DCLK1: variants seen among roughly 807,000 people sequenced by gnomAD.
The protein encoded by DCLK1 is serine/threonine-protein kinase DCLK1.
A neutral mutation model predicts 86.2 loss-of-function variants in DCLK1; 16 were observed. The observed-to-expected ratio is 0.19, with a 90% CI of 0.13 to 0.28. DCLK1 has a LOEUF of 0.28. Ranked by LOEUF, DCLK1 falls within the 10% of genes least tolerant of loss-of-function variation. The probability of loss-of-function intolerance (pLI) is 1.00; values close to 1 mark genes in which losing one functional copy is unlikely to be tolerated. For missense variants in DCLK1, 590 were observed against 940.2 expected, an observed-to-expected ratio of 0.63 and a Z score of 4.87; for synonymous variants, 369 against 370.5, an observed-to-expected ratio of 1.00 and a Z score of 0.05.
chr13:35,822,896 G>A (rs2087429254), intron 10 of DCLK1, 21 bp from the exon 11 acceptor site: 19 of 1,613,104 alleles, frequency 1.2e-5, no homozygotes, highest in Non-Finnish European at 1.6e-5. Flanking sequence ...AACAGAAGCT[G>A]AAGCAGCACA....
chr13:35,883,458 C>T (rs894468571), intron 4 of DCLK1, among the ~76,000 whole-genome samples: 2 of 152,192 alleles, frequency 1.3e-5, no homozygotes, highest in African/African-American at 4.8e-5. Flanking sequence ...TCCCCTTCCA[C>T]CATGAGTGGA....
chr13:36,091,592 C>G (rs1884830639), intron 3 of DCLK1, among the ~76,000 whole-genome samples: 1 of 152,134 alleles, frequency 6.6e-6, no homozygotes, highest in Non-Finnish European at 1.5e-5. Context: ...GTCTGCTTCT[C>G]TATACATTTA....
At chr13:35,985,085 C>T (rs1019851013) in intron 3 of DCLK1, among the ~76,000 whole-genome samples, 1 of 152,132 alleles carries the variant, frequency 6.6e-6, no homozygotes, top group African/African-American at 2.4e-5. Context: ...TGAGTGTGTG[C>T]GCTTAAAATA....
At chr13:36,014,533 A>G (rs1396952370) in intron 3 of DCLK1, among the ~76,000 whole-genome samples, 1 of 152,240 alleles carries the variant, frequency 6.6e-6, no homozygotes, top group African/African-American at 2.4e-5. Flanking sequence ...AATCTAATAC[A>G]GATGAAAGCC....
At chr13:35,914,124 C>A (rs1033124471) in intron 4 of DCLK1, among the ~76,000 whole-genome samples, 9 of 151,384 alleles carry the variant, frequency 5.9e-5, no homozygotes, top group African/African-American at 2.2e-4. Flanking sequence ...TAGAGACCAC[C>A]CTGGGCAACA....
intron 4 of DCLK1, among the ~76,000 whole-genome samples, chr13:35,905,389 A>G (rs1403575705): frequency 2.0e-5 from 3 of 152,190 alleles, no homozygotes; most frequent in African/African-American, 7.2e-5. Context: ...ATTTTGTTCA[A>G]TGGTTGAGGA....
At chr13:35,953,874 C>T (rs1877835276) in intron 3 of DCLK1, among the ~76,000 whole-genome samples, 1 of 152,176 alleles carries the variant, frequency 6.6e-6, no homozygotes, top group Non-Finnish European at 1.5e-5. Flanking sequence ...GATATCTCTG[C>T]AGCCCTGGAT....
At chr13:35,801,495 C>T (rs2086917852) in intron 15 of DCLK1, among the ~76,000 whole-genome samples, 1 of 122,322 alleles carries the variant, frequency 8.2e-6, no homozygotes, top group African/African-American at 3.9e-5. Context: ...GTTTGAATTA[C>T]AGAAAGGGTA....
At chr13:36,073,416 A>G (rs777831197) in intron 3 of DCLK1, among the ~76,000 whole-genome samples, 1 of 152,198 alleles carries the variant, frequency 6.6e-6, no homozygotes, top group Non-Finnish European at 1.5e-5. Context: ...TATTTGCCCA[A>G]TTCTAGAGAT....
At chr13:35,872,932 G>T (rs1365603216) in intron 4 of DCLK1, among the ~76,000 whole-genome samples, 1 of 151,734 alleles carries the variant, frequency 6.6e-6, no homozygotes, top group Non-Finnish European at 1.5e-5. Flanking sequence ...CATCTTTCTT[G>T]GTCAACCCAT....
intron 3 of DCLK1, among the ~76,000 whole-genome samples, chr13:36,030,328 C>T (rs952525058): frequency 1.3e-4 from 20 of 152,004 alleles, no homozygotes; most frequent in Admixed American, 9.2e-4. Context: ...CGGAGTTTTG[C>T]TCTTGTTGCC....
intron 5 of DCLK1, among the ~76,000 whole-genome samples, chr13:35,856,863 A>G (rs1871091920): frequency 6.6e-6 from 1 of 152,216 alleles, no homozygotes; most frequent in South Asian, 2.1e-4. Flanking sequence ...GATTGGCAGC[A>G]TCATTTCCAC....
intron 14 of DCLK1, among the ~76,000 whole-genome samples, chr13:35,807,973 G>C (rs1651302924): frequency 6.6e-6 from 1 of 152,218 alleles, no homozygotes; most frequent in Admixed American, 6.5e-5. Context: ...AGAGGCTATA[G>C]CAATGTCACT....
intron 16 of DCLK1, among the ~76,000 whole-genome samples, chr13:35,787,663 CAAAA>C (rs1173932654): frequency 1.3e-5 from 2 of 151,934 alleles, no homozygotes; most frequent in Non-Finnish European, 2.9e-5. Flanking sequence ...AAAACAAAAA[CAAAA>C]CAAAAAGGTG....
intron 16 of DCLK1, among the ~76,000 whole-genome samples, chr13:35,793,100 T>A (rs2086735845): frequency 6.6e-6 from 1 of 152,176 alleles, no homozygotes; most frequent in Admixed American, 6.5e-5. Flanking sequence ...GGGGAGGTTT[T>A]CGGTTTTAAA....
Position 35,774,544 on chromosome 13 carries a change from C to T in DCLK1, c.2214G>A (p.Ser738=), listed in dbSNP as rs1593575476. ...SSSETVRSPN[S]PF Reference sequence around the variant, plus strand: ...GAGTAAAAGGGTCTTATTAAAAGGGCGAGTTAGGGGAGCGAACAGTCTCGG... The same window carrying T: ...GAGTAAAAGGGTCTTATTAAAAGGGTGAGTTAGGGGAGCGAACAGTCTCGG... The change falls in exon 17 of 17, where the codon TCG becomes TCA. Residue 738 remains serine, a synonymous_variant. Coordinates refer to ENST00000360631, the MANE Select transcript of DCLK1 (RefSeq NM_001330071.2). 1.3e-6 allele frequency: 2 copies of T among 1,552,480 alleles called. No individual in the cohort carries two copies. The highest frequency in any genetic ancestry group is 1.7e-6 in the Non-Finnish European group (2 of 1,147,368).
intron 4 of DCLK1, among the ~76,000 whole-genome samples, chr13:35,902,483 G>A (rs1464480151): frequency 1.3e-5 from 2 of 152,204 alleles, no homozygotes; most frequent in Non-Finnish European, 2.9e-5. Context: ...GAAGGAAAAT[G>A]GTAGAGGTGA....
intron 4 of DCLK1, among the ~76,000 whole-genome samples, chr13:35,878,932 C>T (rs1228118688): frequency 1.3e-5 from 2 of 152,068 alleles, no homozygotes; most frequent in African/African-American, 4.8e-5. Context: ...ATTACAGGCA[C>T]ACACTGCCAT....
At chr13:35,930,015 T>C (rs1261392547) in intron 4 of DCLK1, among the ~76,000 whole-genome samples, 1 of 152,156 alleles carries the variant, frequency 6.6e-6, no homozygotes, top group Non-Finnish European at 1.5e-5. Flanking sequence ...TAAAAAGCTA[T>C]AAAGACAGCC....
Sources: allele counts gnomAD v4.1 joint callset (sites outside exome capture counted in the v4.1 genomes callset), GRCh38; gene constraint gnomAD v4.1.1; transcripts MANE v1.5; gene names NCBI Gene and HGNC (gene_info 2026-07-23, HGNC 2026-07-21).